Variants in CSMD1 observed in about 807,000 individuals in gnomAD.
The protein encoded by CSMD1 is CUB and Sushi multiple domains 1.
A neutral mutation model predicts 417.5 loss-of-function variants in CSMD1; 213 were observed. The ratio of observed to expected loss-of-function variants is 0.51; its 90% CI spans 0.46 to 0.57. CSMD1 has a LOEUF of 0.57. CSMD1 is among the 20% of genes least tolerant of loss of function. CSMD1 has a pLI of 0.00. For missense variants in CSMD1, 6,923 were observed against 4,529.7 expected (o/e 1.53, Z -15.17); for synonymous variants, 2,862 against 1,736.8 (o/e 1.65, Z -16.11).
chr8:4,336,301 C>G (rs1481726196), intron 3 of CSMD1, among the ~76,000 whole-genome samples: 2 of 152,102 alleles, frequency 1.3e-5, no homozygotes, highest in Non-Finnish European at 2.9e-5. Flanking sequence ...ACTTTTAATG[C>G]CACGTAGCCT....
intron 33 of CSMD1, among the ~76,000 whole-genome samples, chr8:3,190,403 T>A (rs745779928): frequency 1.3e-5 from 2 of 152,146 alleles, no homozygotes; most frequent in Non-Finnish European, 2.9e-5. Context: ...TCACTTCAGA[T>A]GAGGAAAACG....
At chr8:4,945,519 G>C (rs576933572) in intron 1 of CSMD1, among the ~76,000 whole-genome samples, 1 of 138,038 alleles carries the variant, frequency 7.2e-6, no homozygotes, top group Non-Finnish European at 1.6e-5. Flanking sequence ...AAAGAGGAAG[G>C]ACATGAAAAA....
chr8:4,405,339 T>C (rs1804934849), intron 3 of CSMD1, among the ~76,000 whole-genome samples: 1 of 152,204 alleles, frequency 6.6e-6, no homozygotes, highest in Admixed American at 6.5e-5. Context: ...TTTTTTCTTC[T>C]CAATTTCCTA....
chr8:4,663,095 G>T (rs549872955), intron 1 of CSMD1, among the ~76,000 whole-genome samples: 1 of 152,262 alleles, frequency 6.6e-6, no homozygotes, highest in Admixed American at 6.5e-5. Context: ...CTGAGGACAG[G>T]AGGGCCAGAT....
At chr8:3,604,307 G>A (rs951142771) in intron 8 of CSMD1, among the ~76,000 whole-genome samples, 2 of 152,110 alleles carry the variant, frequency 1.3e-5, no homozygotes, top group Non-Finnish European at 1.5e-5. Flanking sequence ...TGCGGGGGGG[G>A]ACCAAAGGTC....
chr8:4,762,805 A>T (rs956458393), intron 1 of CSMD1, among the ~76,000 whole-genome samples: 3 of 152,240 alleles, frequency 2.0e-5, no homozygotes, highest in African/African-American at 7.2e-5. Context: ...AAATGTATCT[A>T]AATTACACCA....
chr8:3,368,759 T>C (rs1390602497), intron 19 of CSMD1, among the ~76,000 whole-genome samples: 2 of 152,230 alleles, frequency 1.3e-5, no homozygotes, highest in Non-Finnish European at 2.9e-5. Context: ...TGATCTTCAC[T>C]ATGCTTACCT....
intron 23 of CSMD1, among the ~76,000 whole-genome samples, chr8:3,314,840 G>A (rs1363079132): frequency 1.3e-5 from 2 of 152,330 alleles, no homozygotes; most frequent in East Asian, 1.9e-4. Context: ...AAGCACTTGT[G>A]TTTCAAGAGA....
intron 3 of CSMD1, among the ~76,000 whole-genome samples, chr8:4,406,241 A>C (rs1351051892): frequency 2.6e-5 from 4 of 152,142 alleles, no homozygotes; most frequent in Non-Finnish European, 4.4e-5. Flanking sequence ...CAAATGGTGC[A>C]AGTGGCTCTC....
chr8:4,359,027 CTA>C (rs1473742084), intron 3 of CSMD1, among the ~76,000 whole-genome samples: 1 of 151,892 alleles, frequency 6.6e-6, no homozygotes, highest in Non-Finnish European at 1.5e-5. Flanking sequence ...ACATATATGC[CTA>C]TATATGTGGC....
chr8:4,697,715 G>A (rs1807232444), intron 1 of CSMD1, among the ~76,000 whole-genome samples: 1 of 152,158 alleles, frequency 6.6e-6, no homozygotes, highest in Non-Finnish European at 1.5e-5. Flanking sequence ...TCTGAAATAT[G>A]TGGATTAGTT....
At chr8:3,428,681 G>A (rs1384073931) in intron 12 of CSMD1, among the ~76,000 whole-genome samples, 3 of 152,098 alleles carry the variant, frequency 2.0e-5, no homozygotes. Context: ...ACTATCATAT[G>A]ATCCAGTCAT....
At chr8:3,259,933 G>C (rs1478228329) in intron 26 of CSMD1, among the ~76,000 whole-genome samples, 1 of 152,112 alleles carries the variant, frequency 6.6e-6, no homozygotes, top group Admixed American at 6.5e-5. Context: ...GTTGTCTGTA[G>C]CTGCCTTTGG....
At chr8:4,086,659 C>G (rs1440161034) in intron 3 of CSMD1, among the ~76,000 whole-genome samples, 1 of 152,182 alleles carries the variant, frequency 6.6e-6, no homozygotes, top group Non-Finnish European at 1.5e-5. Flanking sequence ...TTCATTCTTT[C>G]TCATTCATTC....
chr8:4,531,000 G>T (rs2130456165), intron 2 of CSMD1, among the ~76,000 whole-genome samples: 1 of 152,118 alleles, frequency 6.6e-6, no homozygotes, highest in South Asian at 2.1e-4. Context: ...CAAATCACAT[G>T]AACTGCCACC....
chr8:3,070,457 G>C (rs1252765501), intron 49 of CSMD1, among the ~76,000 whole-genome samples: 1 of 152,184 alleles, frequency 6.6e-6, no homozygotes, highest in Non-Finnish European at 1.5e-5. Flanking sequence ...GCCACATCTT[G>C]AATGTTTTGC....
chr8:4,314,277 A>G (rs369886492), intron 3 of CSMD1, among the ~76,000 whole-genome samples: 5 of 152,136 alleles, frequency 3.3e-5, no homozygotes, highest in East Asian at 3.9e-4. Context: ...CTTAGTTACA[A>G]TCGACAAAGT....
intron 3 of CSMD1, among the ~76,000 whole-genome samples, chr8:4,392,578 G>A (rs911167076): frequency 6.6e-6 from 1 of 151,834 alleles, no homozygotes; most frequent in African/African-American, 2.4e-5. Context: ...TGTGTAAATG[G>A]CTTTCATCTG....
chr8:2,991,614 T>C (rs1199570691), intron 54 of CSMD1, among the ~76,000 whole-genome samples: 1 of 152,178 alleles, frequency 6.6e-6, no homozygotes, highest in Non-Finnish European at 1.5e-5. Context: ...TTTTTGAAAG[T>C]AAAACTTGTT....
Sources: gnomAD v4.1 joint callset for allele counts (sites outside exome capture counted in the v4.1 genomes callset) on GRCh38, gnomAD v4.1.1 for gene constraint, MANE v1.5 for transcripts, NCBI Gene and HGNC (gene_info 2026-07-23, HGNC 2026-07-21) for gene names.